The following SAMD12 variants were observed in gnomAD, a reference collection of about 807,000 sequenced individuals.
The protein encoded by SAMD12 is sterile alpha motif domain containing 12.
Under a neutral mutation model 15.0 loss-of-function variants are expected in SAMD12, and 9 were observed. That is an observed-to-expected ratio of 0.60 (90% CI 0.36 to 1.05). SAMD12 has a LOEUF of 1.05. Among genes scored for constraint, SAMD12 ranks in the 50% least tolerant of loss-of-function variants. The pLI is 0.01. For missense variants in SAMD12, 230 were observed against 234.2 expected (o/e 0.98, Z 0.12); for synonymous variants, 86 against 90.1 (o/e 0.96, Z 0.25).
chr8:118,474,440 G>T (rs946070945), intron 2 of SAMD12, among the ~76,000 whole-genome samples: 1 of 151,988 alleles, frequency 6.6e-6, no homozygotes, highest in Non-Finnish European at 1.5e-5. Flanking sequence ...GAGTGCAATG[G>T]TGCGATCTCA....
chr8:118,353,887 T>TTCC (rs1818089676), intron 4 of SAMD12, among the ~76,000 whole-genome samples: 1 of 152,086 alleles, frequency 6.6e-6, no homozygotes, highest in Non-Finnish European at 1.5e-5. Context: ...AGGCTATCCT[T>TTCC]TCCTCTCCCC....
intron 4 of SAMD12, among the ~76,000 whole-genome samples, chr8:118,340,766 C>T (rs1817318741): frequency 6.6e-6 from 1 of 152,030 alleles, no homozygotes; most frequent in South Asian, 2.1e-4. Flanking sequence ...GAGACTCTGT[C>T]TCAAAAAAAT....
intron 4 of SAMD12, among the ~76,000 whole-genome samples, chr8:118,315,539 G>T (rs1815848614): frequency 6.6e-6 from 1 of 152,284 alleles, no homozygotes; most frequent in African/African-American, 2.4e-5. Context: ...CATGAATTAG[G>T]CACTGGGAAT....
At chr8:118,407,456 T>G (rs1258697791) in intron 3 of SAMD12, among the ~76,000 whole-genome samples, 2 of 152,196 alleles carry the variant, frequency 1.3e-5, no homozygotes, top group Non-Finnish European at 2.9e-5. Flanking sequence ...GGTAACACTA[T>G]GCATTCTTAA....
downstream of SAMD12, among the ~76,000 whole-genome samples, chr8:118,188,902 C>T (rs1819289687): frequency 1.3e-5 from 2 of 151,984 alleles, no homozygotes; most frequent in South Asian, 2.1e-4. Flanking sequence ...GTTTCTAATC[C>T]GAGTCTCTTG....
intron 4 of SAMD12, among the ~76,000 whole-genome samples, chr8:118,200,821 CTAT>C (rs1165012415): frequency 2.6e-5 from 4 of 152,126 alleles, no homozygotes; most frequent in Non-Finnish European, 5.9e-5. Flanking sequence ...TTTCTTCTTC[CTAT>C]TATTATTTTT....
intron 4 of SAMD12, among the ~76,000 whole-genome samples, chr8:118,283,859 AT>A (rs1813785870): frequency 6.6e-6 from 1 of 152,194 alleles, no homozygotes; most frequent in South Asian, 2.1e-4. Flanking sequence ...TATTCTCATT[AT>A]TTAGGAGTTT....
downstream of SAMD12, among the ~76,000 whole-genome samples, chr8:118,186,951 C>G (rs1044565319): frequency 6.6e-6 from 1 of 152,150 alleles, no homozygotes; most frequent in Non-Finnish European, 1.5e-5. Flanking sequence ...CCCACACACT[C>G]GGTTTTGGAA....
intron 2 of SAMD12, among the ~76,000 whole-genome samples, chr8:118,513,161 A>G (rs757391124): frequency 2.0e-4 from 31 of 152,178 alleles, no homozygotes; most frequent in Non-Finnish European, 3.4e-4. Flanking sequence ...TCAGACATGC[A>G]CTAGTCATTT....
At chr8:118,428,091 T>A (rs1349023661) in intron 3 of SAMD12, among the ~76,000 whole-genome samples, 1 of 152,238 alleles carries the variant, frequency 6.6e-6, no homozygotes, top group Non-Finnish European at 1.5e-5. Flanking sequence ...TGACGTATCA[T>A]TTCAAATCTT....
chr8:118,440,157 C>A (rs1279131742), intron 2 of SAMD12, among the ~76,000 whole-genome samples, 196 bp from the exon 3 acceptor site: 1 of 152,158 alleles, frequency 6.6e-6, no homozygotes, highest in Non-Finnish European at 1.5e-5. Context: ...GGTGGAGAAG[C>A]TGTGAAAATG....
chr8:118,514,062 TG>T (rs573047902), intron 2 of SAMD12, among the ~76,000 whole-genome samples: 83 of 152,306 alleles, frequency 5.4e-4, no homozygotes, highest in Non-Finnish European at 8.5e-4. Flanking sequence ...TTTAAAGCAT[TG>T]GGGAGGTCAG....
At chr8:118,443,918 AC>A (rs1370691638) in intron 2 of SAMD12, among the ~76,000 whole-genome samples, 2 of 152,256 alleles carry the variant, frequency 1.3e-5, no homozygotes, top group African/African-American at 4.8e-5. Context: ...AACAAGAAGT[AC>A]ATGTTAAACC....
intron 4 of SAMD12, among the ~76,000 whole-genome samples, chr8:118,366,349 T>C (rs1408906269): frequency 1.3e-5 from 2 of 152,226 alleles, no homozygotes; most frequent in African/African-American, 4.8e-5. Flanking sequence ...ATTTCTGTGC[T>C]ATAATATTTT....
At chr8:118,357,396 T>A (rs749409095) in intron 4 of SAMD12, among the ~76,000 whole-genome samples, 1 of 152,070 alleles carries the variant, frequency 6.6e-6, no homozygotes, top group Non-Finnish European at 1.5e-5. Context: ...CACCACCATA[T>A]CCAGCTAATT....
intron 2 of SAMD12, among the ~76,000 whole-genome samples, chr8:118,472,008 C>A (rs1823809781): frequency 6.6e-6 from 1 of 152,090 alleles, no homozygotes; most frequent in African/African-American, 2.4e-5. Flanking sequence ...ACACAATAGG[C>A]CGGGCGCGGT....
chr8:118,416,812 CAT>C (rs1303880815), intron 3 of SAMD12, among the ~76,000 whole-genome samples: 4 of 152,292 alleles, frequency 2.6e-5, no homozygotes, highest in East Asian at 1.9e-4. Flanking sequence ...AGTAATTTGC[CAT>C]ATGTTATTTG....
intron 3 of SAMD12, among the ~76,000 whole-genome samples, chr8:118,425,846 A>C (rs368929685): frequency 6.6e-6 from 1 of 152,182 alleles, no homozygotes; most frequent in Non-Finnish European, 1.5e-5. Context: ...TGTCTTGTCC[A>C]TTTCAGAACC....
intron 4 of SAMD12, among the ~76,000 whole-genome samples, chr8:118,205,686 A>G (rs1819842385): frequency 6.6e-6 from 1 of 151,788 alleles, no homozygotes; most frequent in African/African-American, 2.4e-5. Flanking sequence ...CCACCCTCTC[A>G]CCCCTTGGTG....
Sources: gnomAD v4.1 joint callset for allele counts (sites outside exome capture counted in the v4.1 genomes callset) on GRCh38, gnomAD v4.1.1 for gene constraint, MANE v1.5 for transcripts, NCBI Gene and HGNC (gene_info 2026-07-23, HGNC 2026-07-21) for gene names.